The following MEIS2 variants were observed in gnomAD, a reference collection of about 807,000 sequenced individuals.
MEIS2 encodes the protein homeobox protein Meis2.
Under a neutral mutation model 58.6 loss-of-function variants are expected in MEIS2, and 9 were observed. The observed-to-expected ratio is 0.15, with a 90% CI of 0.09 to 0.27. The LOEUF is 0.27. Among genes scored for constraint, MEIS2 ranks in the 10% least tolerant of loss-of-function variants. The pLI is 1.00. For missense variants in MEIS2, 427 were observed against 635.0 expected (o/e 0.67, Z 3.52); for synonymous variants, 221 against 228.4 (o/e 0.97, Z 0.29).
intron 7 of MEIS2, among the ~76,000 whole-genome samples, chr15:37,039,260 T>C (rs913332446): frequency 2.0e-5 from 3 of 152,214 alleles, no homozygotes; most frequent in African/African-American, 7.2e-5. Context: ...TTTCAGATAA[T>C]GTATGTATGG....
chr15:37,080,972 C>T (rs1184692586), intron 7 of MEIS2, among the ~76,000 whole-genome samples: 1 of 152,256 alleles, frequency 6.6e-6, no homozygotes, highest in East Asian at 1.9e-4. Context: ...ACCTGTGTAA[C>T]TGTAGCTGTT....
intron 8 of MEIS2, among the ~76,000 whole-genome samples, chr15:37,030,981 T>C (rs1441640842): frequency 1.3e-5 from 2 of 152,186 alleles, no homozygotes; most frequent in African/African-American, 4.8e-5. Flanking sequence ...TCTACATCTC[T>C]ACAATCCCAG....
At position 37,044,909 on chromosome 15, in the gene MEIS2, T is replaced by G. The variant is rs141650951; in HGVS notation, c.755-7950A>C. On this transcript the variant is annotated intron_variant, in intron 7 of 11. Coordinates refer to ENST00000561208, the MANE Select transcript of MEIS2 (RefSeq NM_170675.5). ...TGTTAGTGAAATGTACAGTTTGATA[T>G]CAAGAGCCTCTAGATATATTAATTA... is the stretch of plus-strand genomic sequence containing the variant. Among the ~76,000 whole-genome samples the G allele has an allele frequency of 5.3e-5, 8 of 152,290 alleles. No homozygotes were observed. In the East Asian group the frequency reaches 5.8e-4, roughly 11 times the overall value.
chr15:36,917,039 G>C (rs1215158944), intron 9 of MEIS2, among the ~76,000 whole-genome samples: 1 of 152,194 alleles, frequency 6.6e-6, no homozygotes, highest in Non-Finnish European at 1.5e-5. Flanking sequence ...GCGTGCAAAT[G>C]ATTGGGGGCT....
intron 9 of MEIS2, among the ~76,000 whole-genome samples, chr15:36,932,082 T>A (rs578132114): frequency 2.5e-4 from 38 of 152,202 alleles, no homozygotes; most frequent in South Asian, 1.0e-3. Context: ...TATACTATAT[T>A]TTTTTTAACA....
At chr15:37,073,499 A>G (rs1049175955) in intron 7 of MEIS2, among the ~76,000 whole-genome samples, 6 of 151,990 alleles carry the variant, frequency 3.9e-5, no homozygotes, top group Admixed American at 6.6e-5. Context: ...TGCTCAATGA[A>G]TATCTTTGTG....
chr15:37,016,693 T>C (rs1401916385), intron 8 of MEIS2, among the ~76,000 whole-genome samples: 3 of 152,184 alleles, frequency 2.0e-5, no homozygotes, highest in African/African-American at 7.2e-5. Context: ...AAGTCACTTA[T>C]ACTTAAAACA....
chr15:37,040,478 C>T (rs1161338010), intron 7 of MEIS2, among the ~76,000 whole-genome samples: 3 of 152,120 alleles, frequency 2.0e-5, no homozygotes, highest in Non-Finnish European at 2.9e-5. Flanking sequence ...GAGTGGGTTA[C>T]GTATGTGCAC....
At chr15:37,090,974 C>A (rs968513155) in intron 6 of MEIS2, among the ~76,000 whole-genome samples, 2 of 152,136 alleles carry the variant, frequency 1.3e-5, no homozygotes, top group Admixed American at 6.5e-5. Context: ...CTCATCATCA[C>A]CCCTGCACCA....
At chr15:36,967,155 T>C (rs1380089713) in intron 8 of MEIS2, among the ~76,000 whole-genome samples, 6 of 152,208 alleles carry the variant, frequency 3.9e-5, no homozygotes, top group Non-Finnish European at 5.9e-5. Context: ...GGGAGTTTTC[T>C]ACATCAATCC....
chr15:37,098,421 A>G (rs372961240), intron 1 of MEIS2: 253 of 1,200,862 alleles, frequency 2.1e-4, no homozygotes, highest in South Asian at 5.1e-4. Flanking sequence ...AGAGAGAGAG[A>G]GAGAAAATAA....
intron 8 of MEIS2, among the ~76,000 whole-genome samples, chr15:36,964,015 G>A (rs760596855): frequency 3.3e-5 from 5 of 152,202 alleles, no homozygotes; most frequent in Admixed American, 1.3e-4. Context: ...ATTCAACATA[G>A]ACTGTGCTTT....
upstream of MEIS2, chr15:37,100,842 A>C (rs1340082948): frequency 6.6e-6 from 1 of 151,264 alleles, no homozygotes; most frequent in East Asian, 2.0e-4. Flanking sequence ...CCACAGGGAA[A>C]GTACGGTACC....
intron 9 of MEIS2, among the ~76,000 whole-genome samples, chr15:36,920,394 G>T (rs901255559): frequency 2.0e-5 from 3 of 152,110 alleles, no homozygotes; most frequent in Non-Finnish European, 4.4e-5. Context: ...TGATCCACCC[G>T]CCTCGGCCTC....
intron 7 of MEIS2, among the ~76,000 whole-genome samples, chr15:37,062,463 C>T (rs1567243384): frequency 6.6e-6 from 1 of 152,202 alleles, no homozygotes; most frequent in Non-Finnish European, 1.5e-5. Context: ...GGATGGTATA[C>T]TCCAAGGATG....
At chr15:37,078,604 CCAAAAA>C (rs1567268058) in intron 7 of MEIS2, among the ~76,000 whole-genome samples, 1 of 3,480 alleles carries the variant, frequency 2.9e-4, no homozygotes, top group African/African-American at 6.8e-4. Flanking sequence ...GAAAAAACAA[CCAAAAA>C]AAAAAAAAAA....
intron 9 of MEIS2, among the ~76,000 whole-genome samples, chr15:36,927,561 T>C (rs191235888): frequency 5.6e-4 from 86 of 152,356 alleles, no homozygotes; most frequent in African/African-American, 2.0e-3. Flanking sequence ...TCAAGAGCCC[T>C]GTATGAGTTC....
In MEIS2 at chr15:36,906,651, G is replaced by GAA. The variant is rs56715244; in HGVS notation, c.978-9967_978-9966dup. Among the ~76,000 whole-genome samples, 872 of 96,520 alleles carry GAA rather than the reference G, an allele frequency of 9.0e-3. 13 individuals are homozygous for GAA. Among genetic ancestry groups the GAA allele is most frequent in the East Asian group, 0.038 (134 of 3,490 alleles). The allele number at this position is 96,520 out of a possible 152,430, so 63.3% of individuals were successfully genotyped here. A position where few individuals can be genotyped will look rare whatever the true frequency, so the allele number is the denominator to read the frequency against. On this transcript the variant is annotated intron_variant, in intron 9 of 11. Coordinates refer to ENST00000561208, the MANE Select transcript of MEIS2 (RefSeq NM_170675.5). ...CTGACAAAGTATGTCAGCCACTCAA[G>GAA]AAAAAAAAAAAAAAAAAAAACAAGG...
intron 8 of MEIS2, among the ~76,000 whole-genome samples, chr15:36,957,907 T>C (rs1290710967): frequency 6.6e-6 from 1 of 152,204 alleles, no homozygotes; most frequent in Non-Finnish European, 1.5e-5. Context: ...ATGAACACAA[T>C]ATTCGGATAT....
Sources: gnomAD v4.1 joint callset for allele counts (sites outside exome capture counted in the v4.1 genomes callset) on GRCh38, gnomAD v4.1.1 for gene constraint, MANE v1.5 for transcripts, NCBI Gene and HGNC (gene_info 2026-07-23, HGNC 2026-07-21) for gene names.